The following WDR89 variants were observed in gnomAD, a reference collection of about 807,000 sequenced individuals.
WDR89 encodes the protein WD repeat domain 89, also known as WD repeat-containing protein 89.
In WDR89, 17 loss-of-function variants were observed where a neutral mutation model predicts 29.1. The ratio of observed to expected loss-of-function variants is 0.58; its 90% CI spans 0.40 to 0.88. WDR89 has a LOEUF of 0.88. Among genes scored for constraint, WDR89 ranks in the 40% least tolerant of loss-of-function variants. The pLI is 0.00. For missense variants in WDR89, 396 were observed against 456.3 expected (o/e 0.87, Z 1.20); for synonymous variants, 138 against 157.8 (o/e 0.87, Z 0.94).
In WDR89 at chr14:63,599,181, T is replaced by G; in HGVS notation, c.762A>C (p.Pro254=). Residue 254 remains proline (P), a synonymous_variant, in exon 3 of 3, where the codon CCA becomes CCC. Coordinates refer to ENST00000620954, the MANE Select transcript of WDR89 (RefSeq NM_080666.4). ...WDLNHLDTDE[P]VTRLNIQDVR... is the part of the protein sequence containing the mutation. ...CATCCTGGATGTTCAAACGTGTAAC[T>G]GGTTCATCAGTGTCCAGATGATTAA... The G allele has an allele frequency of 6.2e-7, 1 of 1,611,036 alleles. No individual in the cohort carries two copies. Among genetic ancestry groups the G allele is most frequent in the Non-Finnish European group, 8.5e-7 (1 of 1,177,914 alleles).
intron 2 of WDR89, among the ~76,000 whole-genome samples, chr14:63,608,816 C>T (rs1265302760): frequency 6.6e-6 from 1 of 152,038 alleles, no homozygotes; most frequent in Admixed American, 6.6e-5. Context: ...AGACAGGTGG[C>T]TGGGTGCGGT....
At position 63,598,372 on chromosome 14, in the gene WDR89, AG is replaced by A. The variant is rs1337393086; in HGVS notation, c.*406del. On this transcript the variant is annotated 3_prime_UTR_variant, in exon 3 of 3. Transcript: ENST00000620954. ...AAACATATAGATGCTCCTCAGATGAAGAATATAGTCTAATCTGGTTTTATAC... is the reference window on the plus strand; with the variant it reads ...AAACATATAGATGCTCCTCAGATGAAAATATAGTCTAATCTGGTTTTATAC... 1 of 155,538 alleles carries A rather than the reference AG, an allele frequency of 6.4e-6. No homozygotes were observed. The highest frequency in any genetic ancestry group is 2.4e-5 in the African/African-American group (1 of 41,572). The allele number at this position is 155,538 out of a possible 1,614,324, so 9.6% of individuals were successfully genotyped here.
chr14:63,620,773 C>T (rs1882646505), intron 2 of WDR89, among the ~76,000 whole-genome samples: 1 of 151,688 alleles, frequency 6.6e-6, no homozygotes, highest in South Asian at 2.1e-4. Flanking sequence ...TGGCAAGTAC[C>T]TGTAGTCTCA....
chr14:63,617,463 T>C (rs1361116294), intron 2 of WDR89, among the ~76,000 whole-genome samples: 1 of 152,038 alleles, frequency 6.6e-6, no homozygotes, highest in Non-Finnish European at 1.5e-5. Flanking sequence ...ACTGATAAAC[T>C]GTGGTATGTT....
intron 1 of WDR89, among the ~76,000 whole-genome samples, chr14:63,633,982 A>C (rs1186040542): frequency 6.6e-6 from 1 of 152,272 alleles, no homozygotes; most frequent in East Asian, 1.9e-4. Context: ...GGCATTGATT[A>C]CTACTGCCAT....
chr14:63,621,201 C>CT (rs888793123), intron 2 of WDR89, among the ~76,000 whole-genome samples: 3 of 152,114 alleles, frequency 2.0e-5, no homozygotes, highest in Non-Finnish European at 4.4e-5. Context: ...TCTCATAAAG[C>CT]TAAACATATG....
At chr14:63,610,951 T>C (rs984188166) in intron 2 of WDR89, among the ~76,000 whole-genome samples, 14 of 151,860 alleles carry the variant, frequency 9.2e-5, no homozygotes, top group African/African-American at 3.1e-4. Flanking sequence ...TCGCCCGCCT[T>C]GGCCTCCCAA....
intron 1 of WDR89, among the ~76,000 whole-genome samples, chr14:63,638,089 C>A (rs1883857744): frequency 6.6e-6 from 1 of 152,048 alleles, no homozygotes; most frequent in African/African-American, 2.4e-5. Context: ...GGACTACAGG[C>A]ACGCACCATC....
At chr14:63,640,654 C>T (rs1361888024) in intron 1 of WDR89, among the ~76,000 whole-genome samples, 4 of 151,568 alleles carry the variant, frequency 2.6e-5, no homozygotes, top group African/African-American at 9.7e-5. Context: ...TTTTTGCATT[C>T]GTAGTAGAGA....
chr14:63,627,131 C>CAT, intron 1 of WDR89, among the ~76,000 whole-genome samples: 1 of 120,038 alleles, frequency 8.3e-6, no homozygotes, highest in South Asian at 3.3e-4. Flanking sequence ...TAAACACACA[C>CAT]ACACACACAC....
intron 2 of WDR89, among the ~76,000 whole-genome samples, chr14:63,605,664 TGGC>T (rs1165491315): frequency 3.9e-5 from 6 of 152,130 alleles, no homozygotes; most frequent in Non-Finnish European, 7.3e-5. Context: ...TTCACCACGT[TGGC>T]CAGGCTGATC....
intron 2 of WDR89, among the ~76,000 whole-genome samples, chr14:63,613,338 A>C (rs533211983): frequency 6.6e-5 from 10 of 151,844 alleles, no homozygotes; most frequent in Non-Finnish European, 1.3e-4. Flanking sequence ...AACCCAAAAA[A>C]CTCCAAAACA....
At chr14:63,628,830 C>A (rs889144892) in intron 1 of WDR89, among the ~76,000 whole-genome samples, 2 of 151,746 alleles carry the variant, frequency 1.3e-5, no homozygotes, top group African/African-American at 2.4e-5. Context: ...GGCATGGTGA[C>A]GTGCATGCCT....
chr14:63,613,858 C>G (rs778779569), intron 2 of WDR89, among the ~76,000 whole-genome samples: 2 of 140,252 alleles, frequency 1.4e-5, no homozygotes, highest in Non-Finnish European at 3.0e-5. Flanking sequence ...CAAACACGGT[C>G]TCACATACTT....
chr14:63,638,092 G>A (rs749098524), intron 1 of WDR89, among the ~76,000 whole-genome samples: 14 of 152,060 alleles, frequency 9.2e-5, no homozygotes, highest in South Asian at 8.3e-4. Flanking sequence ...CTACAGGCAC[G>A]CACCATCATC....
In WDR89 at chr14:63,636,107, G is replaced by A. The variant is rs1446475060; in HGVS notation, c.-138+5697C>T. On this transcript the variant is annotated intron_variant, in intron 1 of 2. Coordinates refer to ENST00000620954, the MANE Select transcript of WDR89 (RefSeq NM_080666.4). ...ACCTGTAGTCCCAGCTACTTGGGAG[G>A]CTCAGGCAGGAGAACTGCTCAAACT... is the stretch of plus-strand genomic sequence containing the variant. 5.9e-5 allele frequency among the ~76,000 whole-genome samples: 9 copies of A among 152,254 alleles called. 1 individual carries two copies. Among genetic ancestry groups the A allele is most frequent in the Admixed American group, 4.6e-4 (7 of 15,280 alleles).
At chr14:63,641,294 C>T (rs1884114481) in intron 1 of WDR89, 2 of 152,172 alleles carry the variant, frequency 1.3e-5, no homozygotes, top group Admixed American at 1.3e-4. Context: ...ACTCACAGTA[C>T]CTACCTCTTT....
chr14:63,607,128 C>T (rs1210737958), intron 2 of WDR89, among the ~76,000 whole-genome samples: 1 of 152,052 alleles, frequency 6.6e-6, no homozygotes, highest in Non-Finnish European at 1.5e-5. Flanking sequence ...AAGCAATCAT[C>T]CTTTACTTTT....
intron 2 of WDR89, among the ~76,000 whole-genome samples, chr14:63,620,970 AT>A (rs1279055256): frequency 2.6e-5 from 4 of 151,792 alleles, no homozygotes; most frequent in Non-Finnish European, 1.5e-5. Flanking sequence ...ACCCAAAAAA[AT>A]GTATGTAAGG....
Sources: allele counts gnomAD v4.1 joint callset (sites outside exome capture counted in the v4.1 genomes callset), GRCh38; gene constraint gnomAD v4.1.1; transcripts MANE v1.5; gene names NCBI Gene and HGNC (gene_info 2026-07-23, HGNC 2026-07-21).